The following CTF1 variants were observed in gnomAD, a reference collection of about 807,000 sequenced individuals.
The protein encoded by CTF1 is cardiotrophin 1.
A neutral mutation model predicts 10.9 loss-of-function variants in CTF1; 9 were observed. The observed-to-expected ratio is 0.83, with a 90% CI of 0.50 to 1.44. CTF1 has a LOEUF of 1.44. Among genes scored for constraint, CTF1 ranks in the 40% most tolerant of loss-of-function variants. The pLI is 0.00. For synonymous variants in CTF1, 133 were observed against 138.8 expected (o/e 0.96, Z 0.29); for missense variants, 259 against 275.3 (o/e 0.94, Z 0.42).
chr16:30,900,409 A>G (rs1345453194), intron 2 of CTF1, among the ~76,000 whole-genome samples: 2 of 152,198 alleles, frequency 1.3e-5, no homozygotes, highest in African/African-American at 4.8e-5. Context: ...AGTAACAATA[A>G]CATTAAAAAT....
At chr16:30,897,188 G>T (rs2055360397) in intron 1 of CTF1, among the ~76,000 whole-genome samples, 1 of 152,184 alleles carries the variant, frequency 6.6e-6, no homozygotes, top group African/African-American at 2.4e-5. Flanking sequence ...CGCGCGCTGT[G>T]CGTTTCGGGA....
intron 1 of CTF1, among the ~76,000 whole-genome samples, chr16:30,897,764 A>G (rs1302624363): frequency 6.6e-6 from 1 of 152,122 alleles, no homozygotes; most frequent in Non-Finnish European, 1.5e-5. Flanking sequence ...CCCAGGCGGG[A>G]GGATCGCTTG....
upstream of CTF1, chr16:30,896,605 G>T (rs1392725078): frequency 2.4e-6 from 3 of 1,253,760 alleles, no homozygotes; most frequent in Non-Finnish European, 3.0e-6. Flanking sequence ...CCCCTCGAAA[G>T]GGGGGCGTGA....
At chr16:30,896,515 G>A (rs544600313), upstream of CTF1, 1 of 836,756 alleles carries the variant, frequency 1.2e-6, no homozygotes, top group African/African-American at 1.8e-5. Flanking sequence ...TCTCAAAAGG[G>A]GGGGTAGGAT....
chr16:30,899,406 T>TC lies in CTF1; in HGVS notation c.26-6dup. On this transcript the variant is annotated splice_polypyrimidine_tract_variant and intron_variant, in intron 1 of 2. Transcript: ENST00000279804. ...TGGCCATCCTCATTCCTCCCCCCTT[T>TC]CCCACCAGAAGACCCCCAGACTGAT... 1 of 1,579,494 alleles carries TC rather than the reference T, an allele frequency of 6.3e-7. No homozygotes were observed. Among genetic ancestry groups the TC allele is most frequent in the Non-Finnish European group, 8.7e-7 (1 of 1,148,678 alleles).
chr16:30,896,521 A>C, upstream of CTF1: 2 of 845,730 alleles, frequency 2.4e-6, no homozygotes, highest in Non-Finnish European at 3.2e-6. Context: ...AAGGGGGGGT[A>C]GGATGAAATG....
intron 2 of CTF1, among the ~76,000 whole-genome samples, chr16:30,900,367 G>T (rs1259508046): frequency 3.3e-5 from 5 of 152,178 alleles, no homozygotes; most frequent in African/African-American, 1.2e-4. Flanking sequence ...TCAGACTGCA[G>T]GCCTGCCAAC....
At chr16:30,901,287 A>G (rs1270940687) in intron 2 of CTF1, among the ~76,000 whole-genome samples, 3 of 152,150 alleles carry the variant, frequency 2.0e-5, no homozygotes, top group Non-Finnish European at 4.4e-5. Flanking sequence ...AGGGAAGGGA[A>G]TGAAGCCCCC....
intron 1 of CTF1, 90 bp downstream of exon 1, chr16:30,896,758 C>T: frequency 8.5e-7 from 1 of 1,182,502 alleles, no homozygotes; most frequent in Non-Finnish European, 1.1e-6. Flanking sequence ...CCGCCACCCC[C>T]GGGTCCGGGA....
chr16:30,897,517 A>C (rs1214602809), intron 1 of CTF1, among the ~76,000 whole-genome samples: 1 of 152,158 alleles, frequency 6.6e-6, no homozygotes, highest in Non-Finnish European at 1.5e-5. Context: ...CTTAAGTCAA[A>C]GGAAGGAGTT....
At chr16:30,899,555 G>A in intron 2 of CTF1, 22 bp downstream of exon 2, 1 of 1,245,370 alleles carries the variant, frequency 8.0e-7, no homozygotes, top group Non-Finnish European at 1.2e-6. Flanking sequence ...TGGGGGTGGG[G>A]GTGCCGGGGG....
intron 2 of CTF1, among the ~76,000 whole-genome samples, chr16:30,901,576 C>CTATT (rs1378819441): frequency 6.6e-6 from 1 of 151,962 alleles, no homozygotes; most frequent in Admixed American, 6.6e-5. Context: ...TTATTAGGTC[C>CTATT]TATTTATTTA....
chr16:30,899,532 A>G lies in CTF1; in HGVS notation c.143A>G (p.Tyr48Cys). The part of the protein sequence containing the change: ...TKYAEQLLQE[Y>C]VQLQGDPFGL... ...TACGCTGAGCAGCTGCTCCAGGAAT[A>G]TGTGAGTGGGAATGGGGGTGGGGGT... Residue 48 changes from tyrosine to cysteine, a missense_variant and splice_region_variant, in exon 2 of 3, where the codon TAT becomes TGT. By Grantham distance (194) the Tyr-to-Cys change is radical. Transcript: ENST00000279804. 3 of 721,506 alleles carry G rather than the reference A, an allele frequency of 4.2e-6. No homozygotes were observed. The highest frequency in any genetic ancestry group is 7.1e-6 in the Non-Finnish European group (3 of 422,962). 44.7% of individuals were successfully genotyped at this position (721,506 alleles called of 1,614,324 possible).
In CTF1 at chr16:30,902,543, C is replaced by T. The variant is rs765211989; in HGVS notation, c.*4C>T. The T allele has an allele frequency of 2.1e-4, 316 of 1,499,262 alleles. 2 individuals are homozygous for T. The highest frequency in any genetic ancestry group is 2.4e-4 in the Non-Finnish European group (275 of 1,128,744). The allele number at this position is 1,499,262 out of a possible 1,614,324, so 92.9% of individuals were successfully genotyped here. ...GCTGCCCGGGGGCTCGGCCTGAGCGCCGCGGGGCAGCTCGCCCCGCCTCCT... is the reference window on the plus strand; with the variant it reads ...GCTGCCCGGGGGCTCGGCCTGAGCGTCGCGGGGCAGCTCGCCCCGCCTCCT... On this transcript the variant is annotated 3_prime_UTR_variant, in exon 3 of 3. Coordinates refer to ENST00000279804, the MANE Select transcript of CTF1 (RefSeq NM_001330.5).
chr16:30,898,397 C>G (rs369046939), intron 1 of CTF1, among the ~76,000 whole-genome samples: 3 of 152,060 alleles, frequency 2.0e-5, no homozygotes, highest in African/African-American at 7.2e-5. Flanking sequence ...AGTGATCCGC[C>G]CGCCTCATCC....
Position 30,899,523 on chromosome 16 carries a change from T to G in CTF1, c.134T>G (p.Leu45Arg). ...CTCACCAAATACGCTGAGCAGCTGC[T>G]CCAGGAATATGTGAGTGGGAATGGG... ...HLLTKYAEQL[L>R]QEYVQLQGDP... The change falls in exon 2 of 3, where the codon CTC (leucine) becomes CGC (arginine). Residue 45 changes from leucine to arginine, a missense_variant. Physicochemically the swap from Leu to Arg is moderately radical, Grantham distance 102 (BLOSUM62 -2). Coordinates refer to ENST00000279804, the MANE Select transcript of CTF1 (RefSeq NM_001330.5). 1.7e-6 allele frequency: 2 copies of G among 1,179,246 alleles called. No homozygotes were observed. Among genetic ancestry groups the G allele is most frequent in the African/African-American group, 1.6e-5 (1 of 62,172 alleles). 73.0% of individuals were successfully genotyped at this position (1,179,246 alleles called of 1,614,324 possible).
intron 2 of CTF1, 121 bp downstream of exon 2, chr16:30,899,654 G>T: frequency 3.0e-6 from 2 of 663,442 alleles, no homozygotes; most frequent in South Asian, 3.8e-5. Context: ...GGGCTCCTGA[G>T]AGGGACAGCA....
At chr16:30,896,519 G>T (rs190881586), upstream of CTF1, 2 of 860,430 alleles carry the variant, frequency 2.3e-6, no homozygotes, top group Non-Finnish European at 3.2e-6. Flanking sequence ...AAAAGGGGGG[G>T]TAGGATGAAA....
At chr16:30,896,854 G>C (rs1271124164) in intron 1 of CTF1, among the ~76,000 whole-genome samples, 186 bp downstream of exon 1, 2 of 152,130 alleles carry the variant, frequency 1.3e-5, no homozygotes, top group Non-Finnish European at 2.9e-5. Flanking sequence ...CAGGCGCTAG[G>C]GTTTAGAGGA....
Sources: allele counts gnomAD v4.1 joint callset (sites outside exome capture counted in the v4.1 genomes callset), GRCh38; gene constraint gnomAD v4.1.1; transcripts MANE v1.5; gene names NCBI Gene and HGNC (gene_info 2026-07-23, HGNC 2026-07-21).